The following CACNA2D1 variants were observed in gnomAD, a reference collection of about 807,000 sequenced individuals.
CACNA2D1 encodes the protein voltage-dependent calcium channel subunit alpha-2/delta-1.
In CACNA2D1, 53 loss-of-function variants were observed where a neutral mutation model predicts 171.5. The ratio of observed to expected loss-of-function variants is 0.31; its 90% CI spans 0.25 to 0.39. The LOEUF is 0.39. Among genes scored for constraint, CACNA2D1 ranks in the 10% least tolerant of loss-of-function variants. The probability of loss-of-function intolerance (pLI) is 1.00; values close to 1 mark genes in which losing one functional copy is unlikely to be tolerated. For missense variants in CACNA2D1, 903 were observed against 1,299.8 expected (o/e 0.69, Z 4.69); for synonymous variants, 442 against 443.1 (o/e 1.00, Z 0.03).
intron 1 of CACNA2D1, among the ~76,000 whole-genome samples, chr7:82,441,021 A>T (rs1016073252): frequency 3.3e-5 from 5 of 151,896 alleles, no homozygotes; most frequent in Admixed American, 2.6e-4. Context: ...ATTTACATAC[A>T]GAAGCATAAT....
At chr7:82,146,018 AT>A (rs1364080825) in intron 4 of CACNA2D1, among the ~76,000 whole-genome samples, 1 of 151,768 alleles carries the variant, frequency 6.6e-6, no homozygotes, top group African/African-American at 2.4e-5. Flanking sequence ...TAGTCTGCTT[AT>A]TTTTTCAGTT....
At chr7:82,230,560 G>C (rs748558251) in intron 3 of CACNA2D1, among the ~76,000 whole-genome samples, 2 of 152,102 alleles carry the variant, frequency 1.3e-5, no homozygotes, top group Non-Finnish European at 2.9e-5. Flanking sequence ...AAACGCGCAA[G>C]AATCATGTAT....
chr7:82,085,118 G>A (rs1473733451), intron 6 of CACNA2D1, among the ~76,000 whole-genome samples: 2 of 152,160 alleles, frequency 1.3e-5, no homozygotes, highest in African/African-American at 4.8e-5. Context: ...TGTTTTTCAA[G>A]AGGTTTATAC....
intron 3 of CACNA2D1, among the ~76,000 whole-genome samples, chr7:82,284,073 T>C (rs950178050): frequency 6.6e-6 from 1 of 151,810 alleles, no homozygotes; most frequent in Non-Finnish European, 1.5e-5. Context: ...TGTGCACCTG[T>C]AGTCCCAGAT....
chr7:82,008,995 G>A (rs2130896826), intron 15 of CACNA2D1, among the ~76,000 whole-genome samples: 1 of 152,192 alleles, frequency 6.6e-6, no homozygotes, highest in South Asian at 2.1e-4. Flanking sequence ...TGATTGATAT[G>A]GTTTGGCTGT....
At chr7:82,335,077 A>C in intron 3 of CACNA2D1, 58 bp downstream of exon 3, 1 of 1,124,740 alleles carries the variant, frequency 8.9e-7, no homozygotes, top group African/African-American at 1.5e-5. Context: ...GAGCATGAAA[A>C]TTAAATAATA....
intron 16 of CACNA2D1, among the ~76,000 whole-genome samples, chr7:82,007,359 G>T (rs1337379198): frequency 6.6e-6 from 1 of 152,056 alleles, no homozygotes; most frequent in East Asian, 1.9e-4. Context: ...TCCATTAATA[G>T]CTCAGATGGA....
chr7:82,407,352 C>T (rs1416452055), intron 1 of CACNA2D1, among the ~76,000 whole-genome samples: 1 of 152,196 alleles, frequency 6.6e-6, no homozygotes, highest in African/African-American at 2.4e-5. Context: ...GATATGAGTA[C>T]ACCAAATGAC....
intron 38 of CACNA2D1, among the ~76,000 whole-genome samples, chr7:81,950,905 T>G (rs577343542): frequency 6.6e-6 from 1 of 152,232 alleles, no homozygotes; most frequent in South Asian, 2.1e-4. Flanking sequence ...GCAACTATGC[T>G]CCATATGGTA....
intron 1 of CACNA2D1, among the ~76,000 whole-genome samples, chr7:82,426,861 C>A (rs1469301341): frequency 6.6e-6 from 1 of 152,122 alleles, no homozygotes; most frequent in East Asian, 1.9e-4. Context: ...TTTCAGTTAC[C>A]CGCAGTCGAC....
chr7:82,371,934 C>T (rs183679212), intron 1 of CACNA2D1, among the ~76,000 whole-genome samples: 2 of 152,040 alleles, frequency 1.3e-5, no homozygotes, highest in East Asian at 1.9e-4. Context: ...TAAAACTCTA[C>T]CAAAAAATCA....
chr7:82,057,263 C>T (rs1163272953), intron 10 of CACNA2D1, among the ~76,000 whole-genome samples: 1 of 152,070 alleles, frequency 6.6e-6, no homozygotes, highest in Admixed American at 6.6e-5. Flanking sequence ...TCAATTTTCT[C>T]CTCCACCCCC....
At chr7:82,330,049 T>A (rs1434380488) in intron 3 of CACNA2D1, among the ~76,000 whole-genome samples, 1 of 138,558 alleles carries the variant, frequency 7.2e-6, no homozygotes, top group Non-Finnish European at 1.5e-5. Flanking sequence ...CATGATTTTA[T>A]ATAGTAACAA....
At chr7:82,117,502 T>C (rs989735161) in intron 5 of CACNA2D1, among the ~76,000 whole-genome samples, 3 of 152,138 alleles carry the variant, frequency 2.0e-5, no homozygotes, top group African/African-American at 7.2e-5. Context: ...AAGAATTGGA[T>C]AGGCCAGGCC....
intron 21 of CACNA2D1, among the ~76,000 whole-genome samples, chr7:81,990,021 C>A (rs1291488173): frequency 6.6e-6 from 1 of 152,144 alleles, no homozygotes; most frequent in Non-Finnish European, 1.5e-5. Flanking sequence ...GAAGGCATTG[C>A]AGACTTGACA....
chr7:82,288,326 A>C (rs2129390478), intron 3 of CACNA2D1, among the ~76,000 whole-genome samples: 1 of 152,074 alleles, frequency 6.6e-6, no homozygotes, highest in South Asian at 2.1e-4. Context: ...AATTTTAATA[A>C]AATTACAGGA....
intron 21 of CACNA2D1, among the ~76,000 whole-genome samples, chr7:81,989,080 CTGTT>C (rs1027607028): frequency 6.6e-6 from 1 of 152,156 alleles, no homozygotes; most frequent in Non-Finnish European, 1.5e-5. Context: ...GAGCATGTGA[CTGTT>C]TGGGAAAAGT....
chr7:82,039,922 T>A (rs1803738123), intron 10 of CACNA2D1, among the ~76,000 whole-genome samples: 1 of 152,186 alleles, frequency 6.6e-6, no homozygotes, highest in East Asian at 1.9e-4. Context: ...TGGAGTCTAA[T>A]GGAAATGCTG....
At chr7:82,227,276 G>A (rs1307526388) in intron 3 of CACNA2D1, among the ~76,000 whole-genome samples, 1 of 152,204 alleles carries the variant, frequency 6.6e-6, no homozygotes, top group Admixed American at 6.5e-5. Flanking sequence ...TATTACTATG[G>A]TCTCAAATGA....
Sources: allele counts gnomAD v4.1 joint callset (sites outside exome capture counted in the v4.1 genomes callset), GRCh38; gene constraint gnomAD v4.1.1; transcripts MANE v1.5; gene names NCBI Gene and HGNC (gene_info 2026-07-23, HGNC 2026-07-21).